Variants in CEP112 observed in about 807,000 individuals in gnomAD.
CEP112 encodes the protein centrosomal protein of 112 kDa.
In CEP112, 127 loss-of-function variants were observed where a neutral mutation model predicts 153.0. The observed-to-expected ratio is 0.83, with a 90% CI of 0.72 to 0.96. The LOEUF (loss-of-function observed/expected upper bound fraction) is 0.96, where lower values mean the gene tolerates loss of function less well. Ranked by LOEUF, CEP112 falls within the 40% of genes least tolerant of loss-of-function variation. CEP112 has a pLI of 0.00. For missense variants in CEP112, 1,089 were observed against 1,101.2 expected, an observed-to-expected ratio of 0.99 and a Z score of 0.16; for synonymous variants, 358 against 374.4, an observed-to-expected ratio of 0.96 and a Z score of 0.51.
intron 24 of CEP112, among the ~76,000 whole-genome samples, chr17:65,643,147 C>T (rs540376467): frequency 8.5e-5 from 13 of 152,180 alleles, no homozygotes; most frequent in African/African-American, 3.1e-4. Flanking sequence ...GAAGGAGTCC[C>T]AAGAGGGGCT....
intron 21 of CEP112, among the ~76,000 whole-genome samples, chr17:65,837,576 C>A (rs944148718): frequency 1.3e-5 from 2 of 152,206 alleles, no homozygotes; most frequent in Middle Eastern, 3.4e-3. Flanking sequence ...GCTGCCGCCC[C>A]GTCTGGGAGG....
At chr17:66,161,493 T>C (rs1352332521) in intron 4 of CEP112, among the ~76,000 whole-genome samples, 1 of 152,064 alleles carries the variant, frequency 6.6e-6, no homozygotes, top group Non-Finnish European at 1.5e-5. Flanking sequence ...CATGGAATAC[T>C]ATGCAGCCAT....
intron 6 of CEP112, among the ~76,000 whole-genome samples, chr17:66,127,194 C>T (rs2069888827): frequency 6.6e-6 from 1 of 152,002 alleles, no homozygotes; most frequent in South Asian, 2.1e-4. Context: ...TTTTATTATA[C>T]CAAGGAAAGA....
intron 21 of CEP112, among the ~76,000 whole-genome samples, chr17:65,824,359 T>A (rs907819565): frequency 1.3e-5 from 2 of 152,190 alleles, no homozygotes; most frequent in Non-Finnish European, 2.9e-5. Flanking sequence ...GGAGAACCTA[T>A]GGTCACAGAA....
chr17:65,927,571 G>C lies in CEP112; in HGVS notation c.1980+11C>G, dbSNP rs777646468. On this transcript the variant is annotated intron_variant, in intron 19 of 26. Transcript: ENST00000535342. Reference sequence around the variant, plus strand: ...AAAAATTTAATGGCAGCATCAAAATGAAAGACCAACCTGTTGTTCATACCG... The same window carrying C: ...AAAAATTTAATGGCAGCATCAAAATCAAAGACCAACCTGTTGTTCATACCG... 2.8e-5 allele frequency: 43 copies of C among 1,514,830 alleles called. No individual in the cohort carries two copies. In the South Asian group the frequency reaches 4.5e-4, roughly 16 times the overall value. The allele number at this position is 1,514,830 out of a possible 1,614,324, so 93.8% of individuals were successfully genotyped here.
chr17:65,637,659 C>A (rs373495503), intron 25 of CEP112, among the ~76,000 whole-genome samples: 4 of 152,316 alleles, frequency 2.6e-5, no homozygotes, highest in Non-Finnish European at 4.4e-5. Flanking sequence ...GCAAAGCCAG[C>A]GGTCCCCTCC....
intron 24 of CEP112, among the ~76,000 whole-genome samples, chr17:65,646,828 G>A (rs982684063): frequency 2.0e-5 from 3 of 152,150 alleles, no homozygotes; most frequent in African/African-American, 7.2e-5. Context: ...CAGGGGATGG[G>A]GCGTTGAACT....
intron 23 of CEP112, among the ~76,000 whole-genome samples, chr17:65,722,375 A>G (rs1376388164): frequency 6.6e-6 from 1 of 152,102 alleles, no homozygotes; most frequent in South Asian, 2.1e-4. Context: ...CAGCCTCCCA[A>G]CTAGCTGGGA....
chr17:66,021,717 G>C (rs1459879437), intron 16 of CEP112, among the ~76,000 whole-genome samples: 1 of 152,118 alleles, frequency 6.6e-6, no homozygotes, highest in Admixed American at 6.5e-5. Flanking sequence ...CTAGACCCCT[G>C]TCAGGGCTGG....
In CEP112 at chr17:65,996,932, G is replaced by C. The variant is rs2063812373; in HGVS notation, c.1736+8758C>G. ...TCTTTTCATTAAAAAATCCTGGATG[G>C]GCACGGTGGCCCACGGCTGTAATCC... On this transcript the variant is annotated intron_variant, in intron 17 of 26. Transcript: ENST00000535342. 2.6e-5 allele frequency among the ~76,000 whole-genome samples: 4 copies of C among 152,116 alleles called. No individual in the cohort carries two copies. The South Asian group carries it at 8.3e-4, about 31-fold the overall frequency.
chr17:65,704,420 TACAC>T (rs3074178), intron 23 of CEP112, among the ~76,000 whole-genome samples: 51,161 of 147,594 alleles, frequency 0.35, 8,793 homozygotes, highest in Middle Eastern at 0.48. Flanking sequence ...ACGTGTAAAA[TACAC>T]ACACACACAC....
intron 4 of CEP112, among the ~76,000 whole-genome samples, chr17:66,142,220 CAGTTG>C (rs1255772393): frequency 2.0e-5 from 3 of 152,160 alleles, no homozygotes; most frequent in Admixed American, 6.5e-5. Flanking sequence ...TGTTTTGGGG[CAGTTG>C]AGTTGAGTAC....
intron 4 of CEP112, among the ~76,000 whole-genome samples, chr17:66,157,427 C>T (rs1478751345): frequency 6.6e-6 from 1 of 152,050 alleles, no homozygotes; most frequent in Non-Finnish European, 1.5e-5. Flanking sequence ...CAAAAACATA[C>T]CAAATTATAA....
chr17:65,778,030 A>G (rs1263071687), intron 21 of CEP112, among the ~76,000 whole-genome samples: 2 of 151,068 alleles, frequency 1.3e-5, no homozygotes, highest in Non-Finnish European at 3.0e-5. Context: ...TCATTAGCCC[A>G]TCTCTAATGT....
chr17:66,024,468 A>T (rs947689912), intron 16 of CEP112, among the ~76,000 whole-genome samples: 3 of 152,180 alleles, frequency 2.0e-5, no homozygotes, highest in Non-Finnish European at 4.4e-5. Context: ...TGAATTCAGT[A>T]AATTTTAGGA....
intron 24 of CEP112, among the ~76,000 whole-genome samples, chr17:65,678,237 A>C (rs2047334776): frequency 6.6e-6 from 1 of 152,214 alleles, no homozygotes; most frequent in Non-Finnish European, 1.5e-5. Context: ...CTGTCAGAAC[A>C]GGAAGCCTTG....
At chr17:65,910,809 G>A (rs2060256299) in intron 19 of CEP112, among the ~76,000 whole-genome samples, 1 of 152,092 alleles carries the variant, frequency 6.6e-6, no homozygotes, top group Non-Finnish European at 1.5e-5. Context: ...AGAGATAAAT[G>A]TGTATATCAA....
chr17:65,674,494 AC>A (rs1435041895), intron 24 of CEP112, among the ~76,000 whole-genome samples: 1 of 152,238 alleles, frequency 6.6e-6, no homozygotes, highest in Non-Finnish European at 1.5e-5. Flanking sequence ...AGTTTCACAC[AC>A]AAAAAATCCA....
At chr17:65,736,193 AG>A (rs66504731) in intron 23 of CEP112, among the ~76,000 whole-genome samples, 61,921 of 151,758 alleles carry the variant, frequency 0.41, 14,366 homozygotes, top group South Asian at 0.61. Flanking sequence ...AGTTTTCTCT[AG>A]GAACTGACCT....
Sources: allele counts gnomAD v4.1 joint callset (sites outside exome capture counted in the v4.1 genomes callset), GRCh38; gene constraint gnomAD v4.1.1; transcripts MANE v1.5; gene names NCBI Gene and HGNC (gene_info 2026-07-23, HGNC 2026-07-21).